The following PCM1 variants were observed in gnomAD, a reference collection of about 807,000 sequenced individuals.
PCM1 encodes the protein pericentriolar material 1.
A neutral mutation model predicts 241.9 loss-of-function variants in PCM1; 157 were observed. The ratio of observed to expected loss-of-function variants is 0.65; its 90% CI spans 0.57 to 0.74. The LOEUF (loss-of-function observed/expected upper bound fraction) is 0.74, where lower values mean the gene tolerates loss of function less well. Ranked by LOEUF, PCM1 falls within the 30% of genes least tolerant of loss-of-function variation. The pLI, the probability that PCM1 is intolerant of heterozygous loss-of-function variation, is 0.00. For synonymous variants in PCM1, 1,085 were observed against 784.9 expected (o/e 1.38, Z -6.39); for missense variants, 3,478 against 2,360.1 (o/e 1.47, Z -9.81).
intron 9 of PCM1, among the ~76,000 whole-genome samples, chr8:17,953,511 A>C (rs1401574096): frequency 6.6e-6 from 1 of 152,090 alleles, no homozygotes; most frequent in African/African-American, 2.4e-5. Context: ...AACATTCAAA[A>C]TTTTCCCTTA....
In PCM1 at chr8:17,968,722, A is replaced by ATG. The variant is rs776784767; in HGVS notation, c.3413-853_3413-852dup. Among the ~76,000 whole-genome samples the ATG allele has an allele frequency of 2.1e-3, 269 of 128,808 alleles. 3 individuals are homozygous for ATG. The highest frequency in any genetic ancestry group is 0.015 in the Middle Eastern group (4 of 262). 84.5% of individuals were successfully genotyped at this position (128,808 alleles called of 152,430 possible). ...TGCCCAGCAATGTGTATATATATGG[A>ATG]TGTATATATGTGTGTGTGTGTGTGT... On this transcript the variant is annotated intron_variant, in intron 21 of 38. Coordinates refer to ENST00000325083, the MANE Select transcript of PCM1 (RefSeq NM_006197.4).
At chr8:17,945,035 C>A (rs979610777) in intron 6 of PCM1, among the ~76,000 whole-genome samples, 1 of 152,000 alleles carries the variant, frequency 6.6e-6, no homozygotes, top group Admixed American at 6.6e-5. Flanking sequence ...AGTATTTGAT[C>A]AACCTAGAGA....
intron 33 of PCM1, 94 bp from the exon 34 acceptor site, chr8:18,011,573 A>T: frequency 8.3e-7 from 1 of 1,207,612 alleles, no homozygotes; most frequent in Admixed American, 2.7e-5. Context: ...TACTGTATAT[A>T]AAGCATCTGT....
intron 29 of PCM1, among the ~76,000 whole-genome samples, chr8:17,995,985 G>T (rs2086570349): frequency 6.6e-6 from 1 of 152,024 alleles, no homozygotes; most frequent in Non-Finnish European, 1.5e-5. Context: ...ATACAAACAA[G>T]GATAATTTGA....
chr8:18,004,182 C>T (rs2090549350), intron 29 of PCM1, among the ~76,000 whole-genome samples: 3 of 152,110 alleles, frequency 2.0e-5, no homozygotes. Flanking sequence ...TGCTCAGAAA[C>T]TGTTATACAA....
chr8:17,937,519 A>G, intron 4 of PCM1, 140 bp downstream of exon 4: 1 of 688,614 alleles, frequency 1.5e-6, no homozygotes. Flanking sequence ...AAAGAATTTT[A>G]ATCACTGGGG....
chr8:18,024,716 C>T (rs547790598), intron 36 of PCM1, among the ~76,000 whole-genome samples: 3 of 152,220 alleles, frequency 2.0e-5, no homozygotes, highest in African/African-American at 7.2e-5. Flanking sequence ...CTGACTATAG[C>T]ATATACTATC....
intron 29 of PCM1, among the ~76,000 whole-genome samples, chr8:18,004,268 G>T (rs1420259492): frequency 6.6e-6 from 1 of 152,096 alleles, no homozygotes; most frequent in Non-Finnish European, 1.5e-5. Flanking sequence ...GAATTTAAAA[G>T]AATTACATTT....
chr8:17,976,396 C>A (rs1399898308), intron 23 of PCM1, among the ~76,000 whole-genome samples: 1 of 152,190 alleles, frequency 6.6e-6, no homozygotes, highest in Non-Finnish European at 1.5e-5. Context: ...GCAAATGTAC[C>A]CTACAAGGTT....
chr8:17,994,215 A>T (rs1724346737), intron 29 of PCM1, among the ~76,000 whole-genome samples: 1 of 152,126 alleles, frequency 6.6e-6, no homozygotes, highest in Non-Finnish European at 1.5e-5. Context: ...AACCATCCTT[A>T]TACAGTTTAT....
chr8:17,959,618 A>G, intron 13 of PCM1, among the ~76,000 whole-genome samples: 1 of 151,620 alleles, frequency 6.6e-6, no homozygotes, highest in East Asian at 1.9e-4. Context: ...ATGTATTTAT[A>G]TTTCTATATG....
intron 1 of PCM1, 86 bp downstream of exon 1, chr8:17,923,274 C>T (rs940036714): frequency 3.3e-5 from 5 of 152,400 alleles, no homozygotes; most frequent in African/African-American, 7.2e-5. Flanking sequence ...ACACTCGGCC[C>T]TGTTGGGTCT....
intron 38 of PCM1, 131 bp downstream of exon 38, chr8:18,025,789 A>G: frequency 1.7e-6 from 1 of 582,542 alleles, no homozygotes; most frequent in Non-Finnish European, 3.0e-6. Context: ...AAGAAAGTGT[A>G]ATTCTGTAAG....
In PCM1 at chr8:17,972,655, C is replaced by G; in HGVS notation, c.3911C>G (p.Ser1304Cys). ...AAGTCAAAAAGTAAGAAGAGGAATTCTACTCAGCTGAAAAGCAGAGTTAAA... is the reference window on the plus strand; with the variant it reads ...AAGTCAAAAAGTAAGAAGAGGAATTGTACTCAGCTGAAAAGCAGAGTTAAA... ...TPKSKSKKRN[S>C]TQLKSRVKNI... is the part of the protein sequence containing the mutation. Residue 1304 changes from serine to cysteine, a missense_variant, in exon 23 of 39, where the codon TCT (serine) becomes TGT (cysteine). Ser to Cys is a moderately radical substitution (Grantham distance 112). Coordinates refer to ENST00000325083, the MANE Select transcript of PCM1 (RefSeq NM_006197.4). 5 of 1,573,366 alleles carry G rather than the reference C, an allele frequency of 3.2e-6. No individual in the cohort carries two copies. The highest frequency in any genetic ancestry group is 3.4e-6 in the Non-Finnish European group (4 of 1,163,142).
At chr8:17,929,185 T>C (rs1267921132) in intron 2 of PCM1, among the ~76,000 whole-genome samples, 1 of 152,198 alleles carries the variant, frequency 6.6e-6, no homozygotes, top group Non-Finnish European at 1.5e-5. Context: ...AGGAGGATAC[T>C]TCTCAGTACT....
At chr8:17,975,688 TC>T (rs2078522279) in intron 23 of PCM1, among the ~76,000 whole-genome samples, 1 of 152,182 alleles carries the variant, frequency 6.6e-6, no homozygotes, top group Non-Finnish European at 1.5e-5. Flanking sequence ...ACTAGACTGA[TC>T]CAAATATATA....
In PCM1 at chr8:17,976,717, CT is replaced by C. The variant is rs374971012; in HGVS notation, c.3944-3873del. Among the ~76,000 whole-genome samples the C allele has an allele frequency of 7.9e-5, 12 of 152,284 alleles. No homozygotes were observed. The East Asian group carries it at 1.9e-3, about 25-fold the overall frequency. The stretch of plus-strand genomic sequence containing the variant: ...CTGTTTCTTCTACTAATGTCACCCC[CT>C]CATGCTGAGAAAAACAGAATGAGAA... On this transcript the variant is annotated intron_variant, in intron 23 of 38. Transcript: ENST00000325083.
chr8:17,955,736 A>G (rs527423056), intron 10 of PCM1, 83 bp downstream of exon 10: 2 of 1,032,984 alleles, frequency 1.9e-6, no homozygotes, highest in East Asian at 5.1e-5. Flanking sequence ...AAAATTCTGC[A>G]AAACGAGATT....
Position 17,966,050 on chromosome 8 carries a change from C to T in PCM1, c.2907C>T (p.Ala969=). The T allele has an allele frequency of 5.0e-6, 8 of 1,613,522 alleles. No individual in the cohort carries two copies. The highest frequency in any genetic ancestry group is 5.9e-6 in the Non-Finnish European group (7 of 1,179,746). ...FSADENYRPL[A]KTRQQNISMQ... Reference sequence around the variant, plus strand: ...CAGATGAAAATTATCGTCCTTTAGCCAAGACAAGGCAACAGAATATCAGCA... The same window carrying T: ...CAGATGAAAATTATCGTCCTTTAGCTAAGACAAGGCAACAGAATATCAGCA... Residue 969 remains alanine, a synonymous_variant, in exon 19 of 39, where the codon GCC becomes GCT. Transcript: ENST00000325083.
Sources: gnomAD v4.1 joint callset for allele counts (sites outside exome capture counted in the v4.1 genomes callset) on GRCh38, gnomAD v4.1.1 for gene constraint, MANE v1.5 for transcripts, NCBI Gene and HGNC (gene_info 2026-07-23, HGNC 2026-07-21) for gene names.